Variants in EFNB3 observed in about 807,000 individuals in gnomAD.
EFNB3 encodes ephrin-B3.
A neutral mutation model predicts 29.8 loss-of-function variants in EFNB3; 14 were observed. That is an observed-to-expected ratio of 0.47 (90% CI 0.31 to 0.73). The LOEUF (loss-of-function observed/expected upper bound fraction) is 0.73. EFNB3 is among the 30% of genes least tolerant of loss of function. The pLI, the probability that EFNB3 is intolerant of heterozygous loss-of-function variation, is 0.05. For synonymous variants in EFNB3, 216 were observed against 191.6 expected, an observed-to-expected ratio of 1.13 and a Z score of -1.05; for missense variants, 408 against 458.0, an observed-to-expected ratio of 0.89 and a Z score of 1.00.
In EFNB3 at chr17:7,709,830, G is replaced by A. The variant is rs2151099941; in HGVS notation, c.*254G>A. The stretch of plus-strand genomic sequence containing the variant: ...CCCTGGATCCTTTTTCCTTGGGGAG[G>A]GGCACAGGCTCAGCCTCCTCTCTGA... On this transcript the variant is annotated 3_prime_UTR_variant, in exon 5 of 5. Transcript: ENST00000226091. This position sits in a 1 kb window ranked among gnomAD's most constrained non-coding sequence, Gnocchi z 4.5. The A allele has an allele frequency of 1.7e-6, 1 of 573,574 alleles. No individual in the cohort carries two copies. The highest frequency in any genetic ancestry group is 3.1e-5 in the East Asian group (1 of 32,076). 35.5% of individuals were successfully genotyped at this position (573,574 alleles called of 1,614,324 possible). A position where few individuals can be genotyped will look rare whatever the true frequency, so the allele number is the denominator to read the frequency against.
chr17:7,707,895 G>C, intron 1 of EFNB3, 63 bp from the exon 2 acceptor site: 1 of 1,528,046 alleles, frequency 6.5e-7, no homozygotes, highest in Non-Finnish European at 8.8e-7. Flanking sequence ...GTGAGGGAAG[G>C]AAAGTTCTGG....
In EFNB3 at chr17:7,710,655, G is replaced by A. The variant is rs906401379; in HGVS notation, c.*1079G>A. 1 of 152,672 alleles carries A rather than the reference G, an allele frequency of 6.5e-6. No individual in the cohort carries two copies. The highest frequency in any genetic ancestry group is 1.5e-5 in the Non-Finnish European group (1 of 68,076). 9.5% of individuals were successfully genotyped at this position (152,672 alleles called of 1,614,324 possible). A position where few individuals can be genotyped will look rare whatever the true frequency, so the allele number is the denominator to read the frequency against. The stretch of plus-strand genomic sequence containing the variant: ...AGAACTTCCTTTCAGGAGGAAGCTG[G>A]AACTTACTGACTGTAAGAGGTTAGA... On this transcript the variant is annotated 3_prime_UTR_variant, in exon 5 of 5. Coordinates refer to ENST00000226091, the MANE Select transcript of EFNB3 (RefSeq NM_001406.4).
chr17:7,709,331 G>A lies in EFNB3; in HGVS notation c.778G>A (p.Glu260Lys). Residue 260 changes from glutamate (E) to lysine (K), a missense_variant, in exon 5 of 5, where the codon GAG becomes AAG. Glu to Lys is a moderately conservative substitution (Grantham distance 56, BLOSUM62 1). Around this residue, in one of 3 missense-constraint regions of EFNB3, gnomAD observed 233 missense variants for 230.7 expected, o/e 1.01. Coordinates refer to ENST00000226091, the MANE Select transcript of EFNB3 (RefSeq NM_001406.4). This position sits in a 1 kb window ranked among gnomAD's most constrained non-coding sequence, Gnocchi z 4.5. ...GCGGAGACGGCGGGCCAAGCCTTCG[G>A]AGAGTCGCCACCCTGGTCCTGGCTC... ...CWRRRRAKPSESRHPGPGSFG... is the reference protein window; with the variant it reads ...CWRRRRAKPSKSRHPGPGSFG... The A allele has an allele frequency of 6.4e-7, 1 of 1,569,948 alleles. No individual in the cohort carries two copies. Among genetic ancestry groups the A allele is most frequent in the South Asian group, 1.2e-5 (1 of 85,502 alleles).
Position 7,710,834 on chromosome 17 carries a change from T to C in EFNB3, c.*1258T>C, listed in dbSNP as rs1349599282. The stretch of plus-strand genomic sequence containing the variant: ...GTTCTTTCCTTTCCATATCCCAGTA[T>C]AATCTCTGTTAATCAACAGGACTAC... On this transcript the variant is annotated 3_prime_UTR_variant, in exon 5 of 5. Coordinates refer to ENST00000226091, the MANE Select transcript of EFNB3 (RefSeq NM_001406.4). 2 of 152,682 alleles carry C rather than the reference T, an allele frequency of 1.3e-5. No individual in the cohort carries two copies. Among genetic ancestry groups the C allele is most frequent in the African/African-American group, 4.8e-5 (2 of 41,444 alleles). 9.5% of individuals were successfully genotyped at this position (152,682 alleles called of 1,614,324 possible).
Position 7,708,299 on chromosome 17 carries a change from G to C in EFNB3, c.415+49G>C. 1 of 1,593,972 alleles carries C rather than the reference G, an allele frequency of 6.3e-7. No individual in the cohort carries two copies. The highest frequency in any genetic ancestry group is 1.3e-5 in the African/African-American group (1 of 74,790). On this transcript the variant is annotated intron_variant, in intron 2 of 4. Transcript: ENST00000226091. The surrounding 1 kb of genome is among the most constrained non-coding windows in gnomAD (Gnocchi z 6.8). ...TTGAGTGGGGGGCTCCTGATACTGA[G>C]CAGAGAGGGAGGGGGACCCCTGCAG...
Position 7,709,658 on chromosome 17 carries a change from C to T in EFNB3, c.*82C>T. On this transcript the variant is annotated 3_prime_UTR_variant, in exon 5 of 5. Coordinates refer to ENST00000226091, the MANE Select transcript of EFNB3 (RefSeq NM_001406.4). The surrounding 1 kb of genome is among the most constrained non-coding windows in gnomAD (Gnocchi z 4.5). ...TTAATTCCTGGTTTGAGGGACACCT[C>T]TAACATCTCGGCCCCCTGTGCCCCC... The T allele has an allele frequency of 2.6e-6, 4 of 1,531,778 alleles. No individual in the cohort carries two copies. Among genetic ancestry groups the T allele is most frequent in the Non-Finnish European group, 3.6e-6 (4 of 1,118,792 alleles). The allele number at this position is 1,531,778 out of a possible 1,614,324, so 94.9% of individuals were successfully genotyped here.
At position 7,705,567 on chromosome 17, in the gene EFNB3, TG is replaced by T. The variant is rs770957727; in HGVS notation, c.-30del. On this transcript the variant is annotated 5_prime_UTR_variant, in exon 1 of 5. Transcript: ENST00000226091. The surrounding 1 kb of genome is among the most constrained non-coding windows in gnomAD (Gnocchi z 5.4). ...GGGGGGTGGGCGACTTTGGGGGAGT[TG>T]GTGCCCCGCCCCCCAGGCCTTGGCG... 1 of 1,304,414 alleles carries T rather than the reference TG, an allele frequency of 7.7e-7. No homozygotes were observed. Among genetic ancestry groups the T allele is most frequent in the Non-Finnish European group, 1.0e-6 (1 of 985,040 alleles). The allele number at this position is 1,304,414 out of a possible 1,614,324, so 80.8% of individuals were successfully genotyped here. A position where few individuals can be genotyped will look rare whatever the true frequency, so the allele number is the denominator to read the frequency against.
rs1156406960 is a variant in EFNB3 at position 7,705,439 on chromosome 17, C to G, written c.-160C>G. ...TCTGGTGGGGCTGAGCGCTCTGCCG[C>G]GGGGGCGCGGGCACAGCAGGAAGCA... is the stretch of plus-strand genomic sequence containing the variant. On this transcript the variant is annotated 5_prime_UTR_variant, in exon 1 of 5. Coordinates refer to ENST00000226091, the MANE Select transcript of EFNB3 (RefSeq NM_001406.4). The surrounding 1 kb of genome is among the most constrained non-coding windows in gnomAD (Gnocchi z 5.4). The G allele has an allele frequency of 1.0e-5, 5 of 496,862 alleles. No individual in the cohort carries two copies. The highest frequency in any genetic ancestry group is 8.9e-5 in the Admixed American group (2 of 22,520). The allele number at this position is 496,862 out of a possible 1,614,324, so 30.8% of individuals were successfully genotyped here.
At position 7,707,871 on chromosome 17, in the gene EFNB3, TGGAAGGTTGTGGGGTGAGGGAA is replaced by T; in HGVS notation, c.123-82_123-61del. 3 of 1,453,744 alleles carry T rather than the reference TGGAAGGTTGTGGGGTGAGGGAA, an allele frequency of 2.1e-6. No homozygotes were observed. The South Asian group carries it at 4.1e-5, about 20-fold the overall frequency. 90.1% of individuals were successfully genotyped at this position (1,453,744 alleles called of 1,614,324 possible). ...AAGCGTGAGCTGAGAATTGCTGTCCTGGAAGGTTGTGGGGTGAGGGAAGGAAAGTTCTGGGGGCCAGGCCTCT... is the reference window on the plus strand; with the variant it reads ...AAGCGTGAGCTGAGAATTGCTGTCCTGGAAAGTTCTGGGGGCCAGGCCTCT... On this transcript the variant is annotated intron_variant, in intron 1 of 4. Coordinates refer to ENST00000226091, the MANE Select transcript of EFNB3 (RefSeq NM_001406.4).
chr17:7,708,598 T>G lies in EFNB3; in HGVS notation c.509-37T>G. ...GGCAGTACGATCATGGTTGGGGCAG[T>G]TGTCTCAGCCCCTCTCTGGGTCTTC... On this transcript the variant is annotated intron_variant, in intron 3 of 4. Coordinates refer to ENST00000226091, the MANE Select transcript of EFNB3 (RefSeq NM_001406.4). The surrounding 1 kb of genome is among the most constrained non-coding windows in gnomAD (Gnocchi z 6.8). 6.3e-7 allele frequency: 1 copy of G among 1,585,396 alleles called. No individual in the cohort carries two copies. The highest frequency in any genetic ancestry group is 8.6e-7 in the Non-Finnish European group (1 of 1,164,510).
In EFNB3 at chr17:7,708,710, G is replaced by T; in HGVS notation, c.584G>T (p.Ser195Ile). 1 of 1,571,112 alleles carries T rather than the reference G, an allele frequency of 6.4e-7. No individual in the cohort carries two copies. The highest frequency in any genetic ancestry group is 8.6e-7 in the Non-Finnish European group (1 of 1,157,464). The change falls in exon 4 of 5, where the codon AGC becomes ATC. Residue 195 changes from serine (S) to isoleucine (I), a missense_variant. Coordinates refer to ENST00000226091, the MANE Select transcript of EFNB3 (RefSeq NM_001406.4). This position sits in a 1 kb window ranked among gnomAD's most constrained non-coding sequence, Gnocchi z 6.8. ...PMERDRGAAH[S>I]LEPGKENLPG... Reference sequence around the variant, plus strand: ...GAAAGAGACCGAGGGGCAGCCCACAGCCTGGAGCCTGGGAAGGAGAACCTG... The same window carrying T: ...GAAAGAGACCGAGGGGCAGCCCACATCCTGGAGCCTGGGAAGGAGAACCTG...
In EFNB3 at chr17:7,708,464, G is replaced by A. The variant is rs767561520; in HGVS notation, c.445G>A (p.Glu149Lys). 1.9e-6 allele frequency: 3 copies of A among 1,613,880 alleles called. No homozygotes were observed. Among genetic ancestry groups the A allele is most frequent in the Non-Finnish European group, 2.5e-6 (3 of 1,179,926 alleles). The change falls in exon 3 of 5, where the codon GAG becomes AAG. Residue 149 changes from glutamate (E) to lysine (K), a missense_variant. Glu to Lys is a moderately conservative substitution (Grantham distance 56). Coordinates refer to ENST00000226091, the MANE Select transcript of EFNB3 (RefSeq NM_001406.4). This position sits in a 1 kb window ranked among gnomAD's most constrained non-coding sequence, Gnocchi z 6.8. ...ATCGGATGGGACCCGGGAGGGCCTG[G>A]AGAGCCTGCAGGGAGGTGTGTGCCT... ...ATSDGTREGL[E>K]SLQGGVCLTR...
chr17:7,709,874 T>G lies in EFNB3; in HGVS notation c.*298T>G. ...TCTCTGACCATGACCCAGGCATCCT[T>G]GTCCCCCTCACCCACCCAGAGCTAG... is the stretch of plus-strand genomic sequence containing the variant. On this transcript the variant is annotated 3_prime_UTR_variant, in exon 5 of 5. Transcript: ENST00000226091. The surrounding 1 kb of genome is among the most constrained non-coding windows in gnomAD (Gnocchi z 4.5). 3 of 499,730 alleles carry G rather than the reference T, an allele frequency of 6.0e-6. No individual in the cohort carries two copies. The highest frequency in any genetic ancestry group is 4.0e-5 in the East Asian group (1 of 25,102). 31.0% of individuals were successfully genotyped at this position (499,730 alleles called of 1,614,324 possible). A position where few individuals can be genotyped will look rare whatever the true frequency, so the allele number is the denominator to read the frequency against.
At position 7,708,446 on chromosome 17, in the gene EFNB3, G is replaced by T; in HGVS notation, c.427G>T (p.Gly143Trp). The T allele has an allele frequency of 6.2e-7, 1 of 1,613,374 alleles. No homozygotes were observed. Among genetic ancestry groups the T allele is most frequent in the South Asian group, 1.1e-5 (1 of 90,912 alleles). Residue 143 changes from glycine to tryptophan, a missense_variant, in exon 3 of 5, where the codon GGG (glycine) becomes TGG (tryptophan). Physicochemically the swap from Gly to Trp is radical, Grantham distance 184. Around this residue, in one of 3 missense-constraint regions of EFNB3, gnomAD observed 47 missense variants for 86.6 expected, o/e 0.54. Transcript: ENST00000226091. The surrounding 1 kb of genome is among the most constrained non-coding windows in gnomAD (Gnocchi z 6.8). Reference protein sequence around the residue: ...HDYYIIATSDGTREGLESLQG... With the variant: ...HDYYIIATSDWTREGLESLQG... Reference sequence around the variant, plus strand: ...CTTTTCTCTCCCAGCCACATCGGATGGGACCCGGGAGGGCCTGGAGAGCCT... The same window carrying T: ...CTTTTCTCTCCCAGCCACATCGGATTGGACCCGGGAGGGCCTGGAGAGCCT...
chr17:7,708,658 C>T lies in EFNB3; in HGVS notation c.532C>T (p.Arg178Ter), dbSNP rs764233884. Residue 178 changes from arginine to a stop codon, truncating the protein, a stop_gained, in exon 4 of 5, where the codon CGA (arginine) becomes TGA (stop). Transcript: ENST00000226091. LOFTEE classifies it high-confidence loss of function. The surrounding 1 kb of genome is among the most constrained non-coding windows in gnomAD (Gnocchi z 6.8). The stretch of plus-strand genomic sequence containing the variant: ...AGGTCCCCGAGGAGGGGCTGTCCCC[C>T]GAAAACCTGTGTCTGAAATGCCCAT... ...GQSPRGGAVP[R>*]KPVSEMPMER... is the part of the protein sequence containing the mutation. 7 of 1,579,784 alleles carry T rather than the reference C, an allele frequency of 4.4e-6. No individual in the cohort carries two copies. The highest frequency in any genetic ancestry group is 1.8e-5 in the Admixed American group (1 of 55,328).
chr17:7,705,521 G>A lies in EFNB3; in HGVS notation c.-78G>A. Reference sequence around the variant, plus strand: ...CGGGGTGGTCCGGGCTGAAGAGCCAGGCAGCCAAGGCAGCCACCCCGGGGG... The same window carrying A: ...CGGGGTGGTCCGGGCTGAAGAGCCAAGCAGCCAAGGCAGCCACCCCGGGGG... On this transcript the variant is annotated 5_prime_UTR_variant, in exon 1 of 5. Coordinates refer to ENST00000226091, the MANE Select transcript of EFNB3 (RefSeq NM_001406.4). The surrounding 1 kb of genome is among the most constrained non-coding windows in gnomAD (Gnocchi z 5.4). 1 of 722,820 alleles carries A rather than the reference G, an allele frequency of 1.4e-6. No individual in the cohort carries two copies. The highest frequency in any genetic ancestry group is 2.1e-6 in the Non-Finnish European group (1 of 479,646). The allele number at this position is 722,820 out of a possible 1,614,324, so 44.8% of individuals were successfully genotyped here.
Position 7,709,829 on chromosome 17 carries a change from G to A in EFNB3, c.*253G>A, listed in dbSNP as rs2074343326. ...TCCCTGGATCCTTTTTCCTTGGGGA[G>A]GGGCACAGGCTCAGCCTCCTCTCTG... is the stretch of plus-strand genomic sequence containing the variant. On this transcript the variant is annotated 3_prime_UTR_variant, in exon 5 of 5. Transcript: ENST00000226091. This position sits in a 1 kb window ranked among gnomAD's most constrained non-coding sequence, Gnocchi z 4.5. 1 of 575,064 alleles carries A rather than the reference G, an allele frequency of 1.7e-6. No individual in the cohort carries two copies. The highest frequency in any genetic ancestry group is 1.9e-5 in the African/African-American group (1 of 52,660). 35.6% of individuals were successfully genotyped at this position (575,064 alleles called of 1,614,324 possible). A position where few individuals can be genotyped will look rare whatever the true frequency, so the allele number is the denominator to read the frequency against.
chr17:7,707,589 G>A (rs978001819), intron 1 of EFNB3, among the ~76,000 whole-genome samples: 3 of 152,184 alleles, frequency 2.0e-5, no homozygotes, highest in Non-Finnish European at 4.4e-5. Context: ...AATCACCTGG[G>A]AGGGGTGGGC....
chr17:7,707,643 G>A (rs1010163851), intron 1 of EFNB3, among the ~76,000 whole-genome samples: 3 of 152,188 alleles, frequency 2.0e-5, no homozygotes, highest in Non-Finnish European at 4.4e-5. Context: ...CTGGCATCCT[G>A]TTGCCATGGC....
Sources: gnomAD v4.1 joint callset for allele counts (sites outside exome capture counted in the v4.1 genomes callset) on GRCh38, gnomAD v4.1.1 for gene constraint, gnomAD v4.1.1 regional missense constraint, Gnocchi (gnomAD v3.1) non-coding constraint, MANE v1.5 for transcripts, NCBI Gene and HGNC (gene_info 2026-07-23, HGNC 2026-07-21) for gene names.